NDRG3: variants seen among roughly 807,000 people sequenced by gnomAD.
The protein encoded by NDRG3 is NDRG family member 3, also known as protein NDRG3.
In NDRG3, 23 loss-of-function variants were observed where a neutral mutation model predicts 57.2. That is an observed-to-expected ratio of 0.40 (90% CI 0.29 to 0.57). NDRG3 has a LOEUF of 0.57. NDRG3 is among the 20% of genes least tolerant of loss of function. The probability of loss-of-function intolerance (pLI) is 0.42; values close to 1 mark genes in which losing one functional copy is unlikely to be tolerated. For synonymous variants in NDRG3, 132 were observed against 162.6 expected (o/e 0.81, Z 1.43); for missense variants, 384 against 457.3 (o/e 0.84, Z 1.46).
Position 36,721,679 on chromosome 20 carries a change from C to A in NDRG3, c.57G>T (p.Lys19Asn). Reference sequence around the variant, plus strand: ...TTAGTGAAAACAGAAAAGTCTTTACCTTATCATTTAGAAGTGGTTTGATCT... The same window carrying A: ...TTAGTGAAAACAGAAAAGTCTTTACATTATCATTTAGAAGTGGTTTGATCT... ...LTEIKPLLND[K>N]NGTRNFQDFD... The change falls in exon 2 of 16, where the codon AAG (lysine) becomes AAT (asparagine). Residue 19 changes from lysine (K) to asparagine (N), a missense_variant and splice_region_variant. Physicochemically the swap from Lys to Asn is moderately conservative, Grantham distance 94 (BLOSUM62 0). Transcript: ENST00000349004. 6.3e-7 allele frequency: 1 copy of A among 1,595,678 alleles called. No homozygotes were observed. The highest frequency in any genetic ancestry group is 8.6e-7 in the Non-Finnish European group (1 of 1,166,336).
intron 1 of NDRG3, among the ~76,000 whole-genome samples, chr20:36,730,863 G>A (rs779852748): frequency 1.7e-4 from 26 of 151,528 alleles, no homozygotes; most frequent in Non-Finnish European, 2.4e-4. Context: ...ACTTAAAACT[G>A]GGAGGAGGAG....
intron 1 of NDRG3, among the ~76,000 whole-genome samples, chr20:36,739,317 T>C (rs1403178087): frequency 6.6e-6 from 1 of 150,570 alleles, no homozygotes; most frequent in African/African-American, 2.4e-5. Flanking sequence ...TGTGGTGGCA[T>C]GGGCCTGTAA....
intron 9 of NDRG3, among the ~76,000 whole-genome samples, chr20:36,669,739 A>G (rs1490048933): frequency 1.1e-4 from 17 of 152,004 alleles, no homozygotes. Flanking sequence ...CAGGGACTAC[A>G]GGCATACACC....
At chr20:36,704,456 T>G (rs1008527945) in intron 3 of NDRG3, among the ~76,000 whole-genome samples, 1 of 152,218 alleles carries the variant, frequency 6.6e-6, no homozygotes, top group African/African-American at 2.4e-5. Flanking sequence ...GGAGTATACA[T>G]GTATACATAT....
intron 8 of NDRG3, among the ~76,000 whole-genome samples, chr20:36,672,332 C>T (rs1006530287): frequency 4.6e-5 from 7 of 152,096 alleles, no homozygotes; most frequent in African/African-American, 1.7e-4. Context: ...GATTCCTGTT[C>T]GGCCTTCTTC....
intron 8 of NDRG3, among the ~76,000 whole-genome samples, chr20:36,675,307 G>A (rs1285106854): frequency 6.8e-6 from 1 of 147,560 alleles, no homozygotes; most frequent in Non-Finnish European, 1.5e-5. Context: ...TGATCCATCT[G>A]CCTCTGCCTC....
At chr20:36,721,477 C>T (rs896450540) in intron 2 of NDRG3, among the ~76,000 whole-genome samples, 9 of 151,314 alleles carry the variant, frequency 5.9e-5, no homozygotes, top group Admixed American at 3.3e-4. Flanking sequence ...TGCAGTGAGC[C>T]GAGATTGCAC....
At chr20:36,704,235 C>A (rs972201340) in intron 3 of NDRG3, among the ~76,000 whole-genome samples, 1 of 152,052 alleles carries the variant, frequency 6.6e-6, no homozygotes, top group Non-Finnish European at 1.5e-5. Flanking sequence ...AACCACCATG[C>A]CTGGCTAATT....
At chr20:36,667,164 C>T (rs1178231322) in intron 9 of NDRG3, among the ~76,000 whole-genome samples, 1 of 152,086 alleles carries the variant, frequency 6.6e-6, no homozygotes, top group Non-Finnish European at 1.5e-5. Flanking sequence ...CAGCATATTA[C>T]CTATCTATAT....
At chr20:36,685,821 C>T (rs560346154) in intron 5 of NDRG3, among the ~76,000 whole-genome samples, 66 of 152,102 alleles carry the variant, frequency 4.3e-4, no homozygotes, top group African/African-American at 1.5e-3. Context: ...CCAGCCTGAG[C>T]AACAGGGCAA....
chr20:36,678,843 A>G (rs1043443223), intron 8 of NDRG3, among the ~76,000 whole-genome samples: 3 of 152,276 alleles, frequency 2.0e-5, no homozygotes, highest in African/African-American at 7.2e-5. Context: ...ACTAAAATTA[A>G]AAGTACTTAT....
chr20:36,728,829 G>A (rs534372905), intron 1 of NDRG3, among the ~76,000 whole-genome samples: 2 of 152,020 alleles, frequency 1.3e-5, no homozygotes, highest in East Asian at 1.9e-4. Flanking sequence ...GGGCTCAAGC[G>A]ATTCTCCTGC....
At chr20:36,672,303 C>T (rs1274074777) in intron 8 of NDRG3, among the ~76,000 whole-genome samples, 1 of 152,106 alleles carries the variant, frequency 6.6e-6, no homozygotes, top group Non-Finnish European at 1.5e-5. Flanking sequence ...GAAAAATTTC[C>T]AACTCAAATT....
chr20:36,697,737 C>T (rs1439572599), intron 3 of NDRG3, among the ~76,000 whole-genome samples: 1 of 151,532 alleles, frequency 6.6e-6, no homozygotes. Flanking sequence ...TTTAATACTG[C>T]ATCTTTACAT....
chr20:36,671,541 G>A (rs1387264836), intron 8 of NDRG3, 144 bp from the exon 9 acceptor site: 11 of 607,962 alleles, frequency 1.8e-5, no homozygotes, highest in East Asian at 1.6e-4. Flanking sequence ...GATGGCTCAC[G>A]CCTATAATCC....
chr20:36,719,578 C>T (rs754013799), intron 2 of NDRG3, among the ~76,000 whole-genome samples: 3 of 151,950 alleles, frequency 2.0e-5, no homozygotes, highest in Non-Finnish European at 1.5e-5. Flanking sequence ...CAAAATAAGT[C>T]AGCAGCTCCA....
At chr20:36,668,359 G>A (rs1979819470) in intron 9 of NDRG3, among the ~76,000 whole-genome samples, 1 of 152,040 alleles carries the variant, frequency 6.6e-6, no homozygotes, top group Non-Finnish European at 1.5e-5. Flanking sequence ...TCCTTATCCG[G>A]ATATATAGAG....
At chr20:36,726,633 C>G (rs112649611) in intron 1 of NDRG3, among the ~76,000 whole-genome samples, 17 of 152,172 alleles carry the variant, frequency 1.1e-4, no homozygotes, top group Non-Finnish European at 2.2e-4. Flanking sequence ...GGTATGGCTG[C>G]CAGATCCCAT....
At chr20:36,668,788 ATAGT>A (rs1321434048) in intron 9 of NDRG3, 1 of 151,230 alleles carries the variant, frequency 6.6e-6, no homozygotes, top group Non-Finnish European at 1.5e-5. Flanking sequence ...ATATATATAC[ATAGT>A]TATATATAGA....
Sources: gnomAD v4.1 joint callset for allele counts (sites outside exome capture counted in the v4.1 genomes callset) on GRCh38, gnomAD v4.1.1 for gene constraint, MANE v1.5 for transcripts, NCBI Gene and HGNC (gene_info 2026-07-23, HGNC 2026-07-21) for gene names.